The following MYBBP1A variants were observed in gnomAD, a reference collection of about 807,000 sequenced individuals.
MYBBP1A encodes MYB binding protein 1a.
Under a neutral mutation model 136.3 loss-of-function variants are expected in MYBBP1A, and 147 were observed. The ratio of observed to expected loss-of-function variants is 1.08; its 90% CI spans 0.94 to 1.24. The LOEUF is 1.24. MYBBP1A is among the 50% of genes most tolerant of loss of function. The pLI is 0.00. For synonymous variants in MYBBP1A, 947 were observed against 735.8 expected, an observed-to-expected ratio of 1.29 and a Z score of -4.65; for missense variants, 2,060 against 1,727.4, an observed-to-expected ratio of 1.19 and a Z score of -3.41.
In MYBBP1A at chr17:4,544,588, T is replaced by C. The variant is rs1906776972; in HGVS notation, c.2540A>G (p.Glu847Gly). The change falls in exon 19 of 26, where the codon GAG (glutamate) becomes GGG (glycine). Residue 847 changes from glutamate (E) to glycine (G), a missense_variant. By Grantham distance (98) the Glu-to-Gly change is moderately conservative. Coordinates refer to ENST00000254718, the MANE Select transcript of MYBBP1A (RefSeq NM_014520.4). The part of the protein sequence containing the change: ...TKQPENALVL[E>G]LLEPLLSIIR... ...GATGCTCAGCAGCGGCTCCAGCAGCTCCAGGACCAGGGCATTCTCGGGCTG... is the reference window on the plus strand; with the variant it reads ...GATGCTCAGCAGCGGCTCCAGCAGCCCCAGGACCAGGGCATTCTCGGGCTG... 6.3e-7 allele frequency: 1 copy of C among 1,580,390 alleles called. No individual in the cohort carries two copies. Among genetic ancestry groups the C allele is most frequent in the Non-Finnish European group, 8.6e-7 (1 of 1,163,736 alleles).
chr17:4,549,778 AC>A (rs1907337179), intron 9 of MYBBP1A, among the ~76,000 whole-genome samples: 1 of 97,502 alleles, frequency 1.0e-5, no homozygotes, highest in South Asian at 4.1e-4. Context: ...AGAGAGTGAG[AC>A]TCTGTCAAAA....
chr17:4,546,058 A>G lies in MYBBP1A; in HGVS notation c.1825-116T>C, dbSNP rs8082219. 204 of 916,428 alleles carry G rather than the reference A, an allele frequency of 2.2e-4. No homozygotes were observed. The African/African-American group carries it at 3.0e-3, about 14-fold the overall frequency. 56.8% of individuals were successfully genotyped at this position (916,428 alleles called of 1,614,324 possible). On this transcript the variant is annotated intron_variant, in intron 13 of 25. Coordinates refer to ENST00000254718, the MANE Select transcript of MYBBP1A (RefSeq NM_014520.4). ...ATCAAGAAGCCTCCAACACCCAGCC[A>G]CTGGCCCGCCCTGGCCAGTCACCCC...
chr17:4,541,238 T>A (rs1319253745), intron 24 of MYBBP1A, among the ~76,000 whole-genome samples: 2 of 152,162 alleles, frequency 1.3e-5, no homozygotes, highest in Non-Finnish European at 2.9e-5. Flanking sequence ...CACCCCGCCC[T>A]GCAGGAGGAG....
chr17:4,552,832 C>A lies in MYBBP1A; in HGVS notation c.562-206G>T, dbSNP rs200848683. On this transcript the variant is annotated intron_variant, in intron 5 of 25. Coordinates refer to ENST00000254718, the MANE Select transcript of MYBBP1A (RefSeq NM_014520.4). The surrounding 1 kb of genome is among the most constrained non-coding windows in gnomAD (Gnocchi z 4.7). ...CTGGCCCCTGGAGGTACCTGCCCCC[C>A]ACCCCTTATTTTTTTTTTTTAAGAC... 9.4e-5 allele frequency among the ~76,000 whole-genome samples: 6 copies of A among 64,130 alleles called. No individual in the cohort carries two copies. The East Asian group carries it at 2.4e-3, about 26-fold the overall frequency. The allele number at this position is 64,130 out of a possible 152,430, so 42.1% of individuals were successfully genotyped here.
rs768294040 is a variant in MYBBP1A at position 4,539,394 on chromosome 17, G to GAGGGGGGCCCGTACCTGTGCTC, written c.3986_*20dup. 1 of 1,571,208 alleles carries GAGGGGGGCCCGTACCTGTGCTC rather than the reference G, an allele frequency of 6.4e-7. No homozygotes were observed. The highest frequency in any genetic ancestry group is 8.6e-7 in the Non-Finnish European group (1 of 1,158,406). On this transcript the variant is annotated 3_prime_UTR_variant, in exon 26 of 26. Coordinates refer to ENST00000254718, the MANE Select transcript of MYBBP1A (RefSeq NM_014520.4). The stretch of plus-strand genomic sequence containing the variant: ...TCTCAGGCAGATGGAGGCAGGGGCT[G>GAGGGGGGCCCGTACCTGTGCTC]AGGGGGGCCCGTACCTGTGCTCAGG...
Position 4,554,002 on chromosome 17 carries a change from C to A in MYBBP1A, c.453+17G>T. The A allele has an allele frequency of 6.2e-7, 1 of 1,614,054 alleles. No individual in the cohort carries two copies. The highest frequency in any genetic ancestry group is 1.1e-5 in the South Asian group (1 of 91,074). ...CCAAGCCAGCCTACATTCCCCCAGT[C>A]CCTCCAAAGCTCTTACCTTCACCAG... On this transcript the variant is annotated intron_variant, in intron 4 of 25. Coordinates refer to ENST00000254718, the MANE Select transcript of MYBBP1A (RefSeq NM_014520.4).
chr17:4,546,912 CTT>C (rs750174532), intron 13 of MYBBP1A, among the ~76,000 whole-genome samples: 6 of 136,774 alleles, frequency 4.4e-5, no homozygotes, highest in Admixed American at 7.1e-5. Context: ...TGGGCTGCAC[CTT>C]TTTTTTTTTT....
At chr17:4,549,208 G>GCC in intron 10 of MYBBP1A, 124 bp downstream of exon 10, 1 of 753,508 alleles carries the variant, frequency 1.3e-6, no homozygotes, top group East Asian at 2.8e-5. Context: ...CCTTGTGCCT[G>GCC]CCCCCCACTG....
chr17:4,540,102 TGAGGGTCCTATGAGGGTCCTGC>T (rs376268732), intron 25 of MYBBP1A, 135 bp from the exon 26 acceptor site: 2 of 1,220,272 alleles, frequency 1.6e-6, no homozygotes, highest in Non-Finnish European at 2.3e-6. Context: ...GAGGGTCCCG[TGAGGGTCCTATGAGGGTCCTGC>T]GAGGCCCCTG....
chr17:4,539,366 G>T lies in MYBBP1A; in HGVS notation c.*49C>A. On this transcript the variant is annotated 3_prime_UTR_variant, in exon 26 of 26. Transcript: ENST00000254718. ...GTTTAAAAAAAAAAAAAAAAAATAG[G>T]CGTCTCAGGCAGATGGAGGCAGGGG... 6.7e-7 allele frequency: 1 copy of T among 1,501,946 alleles called. No individual in the cohort carries two copies. The highest frequency in any genetic ancestry group is 8.9e-7 in the Non-Finnish European group (1 of 1,128,290). 93.0% of individuals were successfully genotyped at this position (1,501,946 alleles called of 1,614,324 possible).
chr17:4,555,364 G>C lies in MYBBP1A; in HGVS notation c.-40C>G, dbSNP rs764300359. ...CCGAAACACGAAACACGTGTGCTCCGGCCCCAGCCGCTTCCAGGTCAGGGC... is the reference window on the plus strand; with the variant it reads ...CCGAAACACGAAACACGTGTGCTCCCGCCCCAGCCGCTTCCAGGTCAGGGC... On this transcript the variant is annotated 5_prime_UTR_variant, in exon 1 of 26. Transcript: ENST00000254718. The C allele has an allele frequency of 6.4e-7, 1 of 1,558,226 alleles. No homozygotes were observed. The highest frequency in any genetic ancestry group is 1.9e-5 in the Admixed American group (1 of 51,900).
Position 4,554,294 on chromosome 17 carries a change from T to G in MYBBP1A, c.295-16A>C. 2 of 1,612,722 alleles carry G rather than the reference T, an allele frequency of 1.2e-6. No homozygotes were observed. Among genetic ancestry groups the G allele is most frequent in the Non-Finnish European group, 8.5e-7 (1 of 1,178,896 alleles). On this transcript the variant is annotated splice_polypyrimidine_tract_variant and intron_variant, in intron 2 of 25. Coordinates refer to ENST00000254718, the MANE Select transcript of MYBBP1A (RefSeq NM_014520.4). ...ACTGTAACAGCTGCCAGGAGTTGTG[T>G]GGCAGGAGGAAGAGGGTTCAGGAGA...
At chr17:4,554,132 G>T in intron 3 of MYBBP1A, 39 bp from the exon 4 acceptor site, 1 of 1,613,450 alleles carries the variant, frequency 6.2e-7, no homozygotes, top group South Asian at 1.1e-5. Flanking sequence ...AGGGGCCCTG[G>T]AACTCCCCAT....
At position 4,548,798 on chromosome 17, in the gene MYBBP1A, C is replaced by T; in HGVS notation, c.1431-149G>A. 2 of 1,127,954 alleles carry T rather than the reference C, an allele frequency of 1.8e-6. No homozygotes were observed. Among genetic ancestry groups the T allele is most frequent in the Non-Finnish European group, 2.5e-6 (2 of 807,588 alleles). The allele number at this position is 1,127,954 out of a possible 1,614,324, so 69.9% of individuals were successfully genotyped here. ...GTACAGTCCTCGGGGGCCTGACGGG[C>T]AAGGCTGGAGGGGGCTGGGCTGGGC... On this transcript the variant is annotated intron_variant, in intron 10 of 25. Transcript: ENST00000254718. The surrounding 1 kb of genome is among the most constrained non-coding windows in gnomAD (Gnocchi z 4.2).
At chr17:4,543,209 C>T in intron 19 of MYBBP1A, 44 bp from the exon 20 acceptor site, 1 of 1,546,302 alleles carries the variant, frequency 6.5e-7, no homozygotes, top group Non-Finnish European at 8.7e-7. Context: ...ATTCTCGGTC[C>T]ACCCTGCTCC....
chr17:4,553,224 C>T (rs1256178439), intron 5 of MYBBP1A, among the ~76,000 whole-genome samples: 1 of 152,220 alleles, frequency 6.6e-6, no homozygotes, highest in African/African-American at 2.4e-5. Flanking sequence ...AATTCAGGTC[C>T]TTCTGGCTCT....
In MYBBP1A at chr17:4,552,639, G is replaced by A; in HGVS notation, c.562-13C>T. The A allele has an allele frequency of 2.5e-6, 4 of 1,608,586 alleles. No homozygotes were observed. The highest frequency in any genetic ancestry group is 3.4e-6 in the Non-Finnish European group (4 of 1,176,364). On this transcript the variant is annotated splice_polypyrimidine_tract_variant and intron_variant, in intron 5 of 25. Coordinates refer to ENST00000254718, the MANE Select transcript of MYBBP1A (RefSeq NM_014520.4). This position sits in a 1 kb window ranked among gnomAD's most constrained non-coding sequence, Gnocchi z 4.7. ...TGGCCTTCGAGACCTAAGGATGGAGGGAGAAGAAATCGTGACTTCCTCTGC... is the reference window on the plus strand; with the variant it reads ...TGGCCTTCGAGACCTAAGGATGGAGAGAGAAGAAATCGTGACTTCCTCTGC...
chr17:4,547,821 G>A (rs189832079), intron 13 of MYBBP1A, 137 bp downstream of exon 13: 7 of 655,240 alleles, frequency 1.1e-5, no homozygotes, highest in Non-Finnish European at 2.4e-6. Context: ...TGACAAAGTT[G>A]GCTTCAAAAA....
chr17:4,548,532 G>A lies in MYBBP1A; in HGVS notation c.1548C>T (p.Ala516=). The stretch of plus-strand genomic sequence containing the variant: ...GGCTGCCCAAGACTCACCTGAAGAA[G>A]GCACTGCTGACAGCCTCTCGGGCCT... ...ENQAREAVSS[A]FFSLLQTLST... Residue 516 remains alanine, a synonymous_variant, in exon 11 of 26, where the codon GCC becomes GCT. Transcript: ENST00000254718. This position sits in a 1 kb window ranked among gnomAD's most constrained non-coding sequence, Gnocchi z 4.2. 1.2e-6 allele frequency: 2 copies of A among 1,614,132 alleles called. No individual in the cohort carries two copies. The highest frequency in any genetic ancestry group is 1.7e-6 in the Non-Finnish European group (2 of 1,180,042).
Sources: allele counts gnomAD v4.1 joint callset (sites outside exome capture counted in the v4.1 genomes callset), GRCh38; gene constraint gnomAD v4.1.1; non-coding constraint Gnocchi (gnomAD v3.1); transcripts MANE v1.5; gene names NCBI Gene and HGNC (gene_info 2026-07-23, HGNC 2026-07-21).